C11orf16: variants seen among roughly 807,000 people sequenced by gnomAD.
C11orf16 encodes chromosome 11 open reading frame 16.
In C11orf16, 38 loss-of-function variants were observed where a neutral mutation model predicts 45.1. The observed-to-expected ratio is 0.84, with a 90% CI of 0.65 to 1.10. The LOEUF (loss-of-function observed/expected upper bound fraction) is 1.10. C11orf16 is among the 50% of genes least tolerant of loss of function. C11orf16 has a pLI of 0.00. For synonymous variants in C11orf16, 221 were observed against 222.0 expected, an observed-to-expected ratio of 1.00 and a Z score of 0.04; for missense variants, 583 against 569.5, an observed-to-expected ratio of 1.02 and a Z score of -0.24.
chr11:8,932,437 C>A, intron 1 of C11orf16, 111 bp from the exon 2 acceptor site: 1 of 831,238 alleles, frequency 1.2e-6, no homozygotes, highest in South Asian at 2.4e-5. Flanking sequence ...CAGTTGAGTC[C>A]ATGCACGGCC....
At chr11:8,931,726 A>G (rs769325531) in intron 2 of C11orf16, among the ~76,000 whole-genome samples, 1 of 152,114 alleles carries the variant, frequency 6.6e-6, no homozygotes, top group Non-Finnish European at 1.5e-5. Context: ...GGGTTTTGCC[A>G]TGTTGGTCAG....
In C11orf16 at chr11:8,923,413, CTT is replaced by C. The variant is rs2064587768; in HGVS notation, c.1205-1900_1205-1899del. On this transcript the variant is annotated intron_variant, in intron 5 of 6. Coordinates refer to ENST00000326053, the MANE Select transcript of C11orf16 (RefSeq NM_020643.3). ...CCCTCTCTGTTGGGTAGGTACAGCT[CTT>C]CTTTCTCCAAGCTGTGCTGGAGCAA... Among the ~76,000 whole-genome samples, 3 of 152,302 alleles carry C rather than the reference CTT, an allele frequency of 2.0e-5. No individual in the cohort carries two copies. The South Asian group carries it at 6.2e-4, about 32-fold the overall frequency.
intron 5 of C11orf16, 74 bp from the exon 6 acceptor site, chr11:8,921,589 T>C: frequency 4.6e-6 from 6 of 1,290,540 alleles, no homozygotes; most frequent in Non-Finnish European, 6.7e-6. Context: ...AAAACAAGGA[T>C]CACTGAAGTA....
chr11:8,929,566 G>A, intron 2 of C11orf16, 33 bp from the exon 3 acceptor site: 1 of 1,586,826 alleles, frequency 6.3e-7, no homozygotes. Context: ...AGTGGATAGA[G>A]AGCAACAAGC....
chr11:8,924,924 A>G (rs142029750), intron 5 of C11orf16, among the ~76,000 whole-genome samples: 5 of 152,344 alleles, frequency 3.3e-5, no homozygotes, highest in African/African-American at 1.2e-4. Flanking sequence ...GACTGCCAGC[A>G]GCAACAGGAC....
rs1374920306 is a variant in C11orf16, at chr11:8,920,271, A to G, written c.*202T>C. On this transcript the variant is annotated 3_prime_UTR_variant, in exon 7 of 7. Transcript: ENST00000326053. ...CCCCAGGGCAGGATCCCACATTCCT[A>G]TAGCCCTCACAACAGGTGCCTTCCT... 6.5e-6 allele frequency: 3 copies of G among 462,330 alleles called. No individual in the cohort carries two copies. Among genetic ancestry groups the G allele is most frequent in the African/African-American group, 6.1e-5 (3 of 49,116 alleles). The allele number at this position is 462,330 out of a possible 1,614,324, so 28.6% of individuals were successfully genotyped here. A position where few individuals can be genotyped will look rare whatever the true frequency, so the allele number is the denominator to read the frequency against.
intron 3 of C11orf16, chr11:8,927,755 T>G (rs1367356791): frequency 2.3e-6 from 1 of 426,712 alleles, no homozygotes; most frequent in Non-Finnish European, 4.8e-6. Flanking sequence ...TGCAGCTACT[T>G]AAAAGTACAA....
chr11:8,922,268 G>T (rs2064580516), intron 5 of C11orf16, among the ~76,000 whole-genome samples: 1 of 152,176 alleles, frequency 6.6e-6, no homozygotes. Flanking sequence ...GACTATTTGG[G>T]AGGCTGAGGT....
intron 2 of C11orf16, 67 bp downstream of exon 2, chr11:8,932,075 C>A (rs982305803): frequency 6.9e-7 from 1 of 1,448,878 alleles, no homozygotes; most frequent in Non-Finnish European, 9.2e-7. Context: ...AGGTCTACCA[C>A]CAACAGCCAA....
chr11:8,921,594 G>T, intron 5 of C11orf16, 79 bp from the exon 6 acceptor site: 3 of 1,252,304 alleles, frequency 2.4e-6, no homozygotes, highest in Non-Finnish European at 3.5e-6. Flanking sequence ...AAGGATCACT[G>T]AAGTATCTGT....
chr11:8,929,099 A>C, intron 3 of C11orf16: 1 of 363,248 alleles, frequency 2.8e-6, no homozygotes, highest in Non-Finnish European at 5.0e-6. Flanking sequence ...TAGCTCTCAG[A>C]AGGAACCAAC....
intron 4 of C11orf16, 112 bp from the exon 5 acceptor site, chr11:8,926,219 C>T (rs1799804070): frequency 1.9e-6 from 2 of 1,060,842 alleles, no homozygotes; most frequent in Admixed American, 7.4e-5. Flanking sequence ...CAGGGTCTGG[C>T]TCAGGCTGGA....
In C11orf16 at chr11:8,920,148, G is replaced by A. The variant is rs1178313994; in HGVS notation, c.*325C>T. On this transcript the variant is annotated 3_prime_UTR_variant, in exon 7 of 7. Transcript: ENST00000326053. ...GTACAACTAGGCTTTATGGGAAGGT[G>A]GCAGAGTGGCTGTGGACACATTTGC... is the stretch of plus-strand genomic sequence containing the variant. The A allele has an allele frequency of 2.9e-6, 1 of 343,412 alleles. No individual in the cohort carries two copies. Among genetic ancestry groups the A allele is most frequent in the Non-Finnish European group, 5.2e-6 (1 of 191,486 alleles). 21.3% of individuals were successfully genotyped at this position (343,412 alleles called of 1,614,324 possible).
chr11:8,924,978 T>C (rs2064599959), intron 5 of C11orf16, among the ~76,000 whole-genome samples: 1 of 152,156 alleles, frequency 6.6e-6, no homozygotes, highest in Non-Finnish European at 1.5e-5. Flanking sequence ...CACATCGCAG[T>C]GCCCGGGTCC....
chr11:8,929,077 G>T, intron 3 of C11orf16: 1 of 295,772 alleles, frequency 3.4e-6, no homozygotes, highest in Non-Finnish European at 6.3e-6. Context: ...GCATGGGAAT[G>T]ATTCTTCTTC....
At chr11:8,929,836 G>C (rs1405390552) in intron 2 of C11orf16, among the ~76,000 whole-genome samples, 1 of 152,186 alleles carries the variant, frequency 6.6e-6, no homozygotes, top group Non-Finnish European at 1.5e-5. Context: ...CTAGACAACA[G>C]ACTGGAAAAG....
At position 8,926,165 on chromosome 11, in the gene C11orf16, CTTTTTTCT is replaced by C. The variant is rs1440786520; in HGVS notation, c.560-66_560-59del. 13 of 982,676 alleles carry C rather than the reference CTTTTTTCT, an allele frequency of 1.3e-5. No individual in the cohort carries two copies. The Admixed American group carries it at 1.7e-4, about 13-fold the overall frequency. 60.9% of individuals were successfully genotyped at this position (982,676 alleles called of 1,614,324 possible). ...AATTACCAATTATCTCCTTTTTTTT[CTTTTTTCT>C]TTTTTTCTTTTCTTTTTTTTTTTTT... On this transcript the variant is annotated intron_variant, in intron 4 of 6. Transcript: ENST00000326053.
chr11:8,930,424 CAAAAAAAAAAAAAAAA>C (rs11303185), intron 2 of C11orf16, among the ~76,000 whole-genome samples: 1 of 58,370 alleles, frequency 1.7e-5, no homozygotes, highest in Non-Finnish European at 3.0e-5. Flanking sequence ...GACTCTGTCT[CAAAAAAAAAAAAAAAA>C]AAAAAAAAAA....
intron 5 of C11orf16, among the ~76,000 whole-genome samples, chr11:8,922,673 G>A (rs2064583251): frequency 6.6e-6 from 1 of 152,218 alleles, no homozygotes; most frequent in East Asian, 1.9e-4. Flanking sequence ...TCAAAATTGA[G>A]TGTCAAGCAT....
Sources: allele counts gnomAD v4.1 joint callset (sites outside exome capture counted in the v4.1 genomes callset), GRCh38; gene constraint gnomAD v4.1.1; transcripts MANE v1.5; gene names NCBI Gene and HGNC (gene_info 2026-07-23, HGNC 2026-07-21).